Variants in ROCK1 observed in about 807,000 individuals in gnomAD.
ROCK1 encodes rho-associated protein kinase 1.
A neutral mutation model predicts 196.8 loss-of-function variants in ROCK1; 36 were observed. The observed-to-expected ratio is 0.18, with a 90% CI of 0.14 to 0.24. The LOEUF is 0.24. ROCK1 is among the 10% of genes least tolerant of loss of function. The pLI, the probability that ROCK1 is intolerant of heterozygous loss-of-function variation, is 1.00. For missense variants in ROCK1, 920 were observed against 1,562.0 expected (o/e 0.59, Z 6.93); for synonymous variants, 443 against 515.9 (o/e 0.86, Z 1.91).
Position 20,968,987 on chromosome 18 carries a change from A to T in ROCK1, c.2915-127T>A. 3 of 886,294 alleles carry T rather than the reference A, an allele frequency of 3.4e-6. No homozygotes were observed. In the East Asian group the frequency reaches 7.8e-5, roughly 23 times the overall value. The allele number at this position is 886,294 out of a possible 1,614,324, so 54.9% of individuals were successfully genotyped here. A position where few individuals can be genotyped will look rare whatever the true frequency, so the allele number is the denominator to read the frequency against. ...AGTAACTTTCAGTAACTTCATTAAG[A>T]TAATTCTTAAGGCTACAGAAGTTAC... On this transcript the variant is annotated intron_variant, in intron 24 of 32. Transcript: ENST00000399799.
chr18:20,994,902 T>C (rs2035657576), intron 16 of ROCK1, among the ~76,000 whole-genome samples: 1 of 152,160 alleles, frequency 6.6e-6, no homozygotes, highest in African/African-American at 2.4e-5. Context: ...GGTATCATAA[T>C]CTAAGTTGAT....
chr18:21,069,699 C>T (rs1216412704), intron 2 of ROCK1, among the ~76,000 whole-genome samples: 1 of 151,988 alleles, frequency 6.6e-6, no homozygotes, highest in Non-Finnish European at 1.5e-5. Flanking sequence ...CTTTTTAGTT[C>T]CTTCACTATG....
chr18:21,093,798 T>C (rs1455205572), intron 1 of ROCK1, among the ~76,000 whole-genome samples: 1 of 151,846 alleles, frequency 6.6e-6, no homozygotes, highest in African/African-American at 2.4e-5. Flanking sequence ...CTACTAAAAA[T>C]ACAAAAAATT....
chr18:20,955,654 C>A (rs1408653517), intron 29 of ROCK1, among the ~76,000 whole-genome samples: 13 of 147,740 alleles, frequency 8.8e-5, no homozygotes, highest in Non-Finnish European at 1.8e-4. Context: ...TTTAAAAAAA[C>A]CTGCACATAG....
In ROCK1 at chr18:21,033,541, A is replaced by C. The variant is rs565644981; in HGVS notation, c.1052-4606T>G. On this transcript the variant is annotated intron_variant, in intron 9 of 32. Transcript: ENST00000399799. ...AAATTGGAAAAGAAGAAGTAAAACT[A>C]TCTCTATTTGCAGGTGACATGATCC... Among the ~76,000 whole-genome samples, 12 of 152,236 alleles carry C rather than the reference A, an allele frequency of 7.9e-5. No homozygotes were observed. The South Asian group carries it at 2.3e-3, about 29-fold the overall frequency.
intron 22 of ROCK1, among the ~76,000 whole-genome samples, chr18:20,976,151 T>G (rs1389582930): frequency 2.1e-5 from 3 of 143,302 alleles, no homozygotes; most frequent in Admixed American, 6.9e-5. Context: ...CAGTGCCCCC[T>G]GCATCTATAT....
At chr18:21,087,580 T>C (rs2036537730) in intron 1 of ROCK1, among the ~76,000 whole-genome samples, 2 of 151,380 alleles carry the variant, frequency 1.3e-5, no homozygotes, top group African/African-American at 4.9e-5. Context: ...AGGCACAGAA[T>C]GGAAAATTAT....
chr18:20,952,509 G>A (rs1238900685), intron 32 of ROCK1, among the ~76,000 whole-genome samples: 6 of 152,080 alleles, frequency 3.9e-5, no homozygotes, highest in South Asian at 4.1e-4. Context: ...CAGGCATGGT[G>A]GCTCACGCCT....
intron 1 of ROCK1, 89 bp downstream of exon 1, chr18:21,110,729 C>T (rs1017369795): frequency 4.8e-6 from 5 of 1,040,554 alleles, no homozygotes; most frequent in Non-Finnish European, 7.5e-6. Context: ...TTATGCACAC[C>T]TGAGACTTTT....
intron 18 of ROCK1, among the ~76,000 whole-genome samples, chr18:20,990,243 G>A (rs1315398801): frequency 1.3e-5 from 2 of 152,110 alleles, no homozygotes; most frequent in Non-Finnish European, 2.9e-5. Context: ...TGAGAAAACT[G>A]AGGGTACAAA....
chr18:21,031,140 C>T (rs2036002490), intron 9 of ROCK1, among the ~76,000 whole-genome samples: 1 of 152,130 alleles, frequency 6.6e-6, no homozygotes, highest in Admixed American at 6.5e-5. Context: ...CAACCGCAAG[C>T]CCTGGGGGAA....
In ROCK1 at chr18:20,995,019, T is replaced by C. The variant is rs1255231939; in HGVS notation, c.1886-2082A>G. Among the ~76,000 whole-genome samples the C allele has an allele frequency of 2.0e-5, 3 of 152,140 alleles. No individual in the cohort carries two copies. The East Asian group carries it at 5.8e-4, about 29-fold the overall frequency. ...ACCACACTAACAATAAAGAAAAAAC[T>C]AGATACACTGGACTACATCAAATAC... On this transcript the variant is annotated intron_variant, in intron 16 of 32. Coordinates refer to ENST00000399799, the MANE Select transcript of ROCK1 (RefSeq NM_005406.3).
chr18:20,996,495 A>C (rs558934560), intron 16 of ROCK1, among the ~76,000 whole-genome samples: 12 of 152,294 alleles, frequency 7.9e-5, no homozygotes, highest in Admixed American at 2.0e-4. Context: ...AGGGGTAGAA[A>C]GTTTACTCAA....
intron 22 of ROCK1, among the ~76,000 whole-genome samples, chr18:20,971,665 AAAATAAATAAATAAAT>A (rs56208525): frequency 0.017 from 2,319 of 137,774 alleles, 39 homozygotes; most frequent in Middle Eastern, 0.048. Flanking sequence ...CTCCGTCTCA[AAAATAAATAAATAAAT>A]AAATAAATAA....
chr18:21,003,909 TAAA>T (rs939045893), intron 16 of ROCK1, among the ~76,000 whole-genome samples: 1 of 151,558 alleles, frequency 6.6e-6, no homozygotes. Context: ...AGCAAACAAT[TAAA>T]AAAAACAGAA....
Position 20,946,924 on chromosome 18 carries a change from T to G in ROCK1, c.*4460A>C, listed in dbSNP as rs1329504624. On this transcript the variant is annotated 3_prime_UTR_variant, in exon 33 of 33. Transcript: ENST00000399799. ...AGGCAAATGAACCACTTAATTCAAT[T>G]TAATAGCCAAACCATCCTACATGGT... 1 of 152,158 alleles carries G rather than the reference T, an allele frequency of 6.6e-6. No homozygotes were observed. The highest frequency in any genetic ancestry group is 1.5e-5 in the Non-Finnish European group (1 of 68,008). The allele number at this position is 152,158 out of a possible 1,614,324, so 9.4% of individuals were successfully genotyped here.
At chr18:21,046,453 G>A (rs1415734774) in intron 4 of ROCK1, among the ~76,000 whole-genome samples, 1 of 152,124 alleles carries the variant, frequency 6.6e-6, no homozygotes, top group African/African-American at 2.4e-5. Flanking sequence ...TCAGGGTTGA[G>A]GGTTGTTAAA....
chr18:20,952,111 G>A (rs987877810), intron 32 of ROCK1, among the ~76,000 whole-genome samples: 14 of 152,182 alleles, frequency 9.2e-5, no homozygotes, highest in East Asian at 7.7e-4. Context: ...TGCCTGGTGC[G>A]GTGGCTCATG....
intron 16 of ROCK1, among the ~76,000 whole-genome samples, chr18:21,002,730 T>A (rs2035735670): frequency 1.3e-5 from 2 of 148,986 alleles, no homozygotes; most frequent in Admixed American, 1.3e-4. Context: ...GACTTTATGT[T>A]TTTTCATTCG....
Sources: allele counts gnomAD v4.1 joint callset (sites outside exome capture counted in the v4.1 genomes callset), GRCh38; gene constraint gnomAD v4.1.1; transcripts MANE v1.5; gene names NCBI Gene and HGNC (gene_info 2026-07-23, HGNC 2026-07-21).